ZNF565: variants seen among roughly 807,000 people sequenced by gnomAD.
ZNF565 encodes the protein zinc finger protein 565.
ZNF565 carries 27 observed loss-of-function variants against 39.4 expected under a neutral mutation model. The ratio of observed to expected loss-of-function variants is 0.69; its 90% CI spans 0.51 to 0.95. The LOEUF is 0.95. Ranked by LOEUF, ZNF565 falls within the 40% of genes least tolerant of loss-of-function variation. ZNF565 has a pLI of 0.00. For synonymous variants in ZNF565, 185 were observed against 216.6 expected (o/e 0.85, Z 1.28); for missense variants, 524 against 621.1 (o/e 0.84, Z 1.66).
intron 1 of ZNF565, chr19:36,238,772 A>T (rs1272418373): frequency 1.2e-5 from 2 of 167,046 alleles, no homozygotes; most frequent in African/African-American, 4.8e-5. Context: ...AGCACAATCC[A>T]AATCTGTTTT....
chr19:36,189,280 A>G (rs551688648), intron 4 of ZNF565, among the ~76,000 whole-genome samples: 1 of 151,646 alleles, frequency 6.6e-6, no homozygotes, highest in East Asian at 1.9e-4. Context: ...CAGAGCCAGA[A>G]CCTGTCTCAC....
chr19:36,194,870 GCTATTGC>G, intron 3 of ZNF565, 153 bp downstream of exon 3: 2 of 1,079,862 alleles, frequency 1.9e-6, no homozygotes, highest in Non-Finnish European at 2.8e-6. Flanking sequence ...AGTAGCTACA[GCTATTGC>G]TGGCCGGGCC....
intron 1 of ZNF565, among the ~76,000 whole-genome samples, chr19:36,233,502 A>T (rs139306086): frequency 6.2e-4 from 95 of 152,076 alleles, no homozygotes; most frequent in South Asian, 6.2e-4. Context: ...CATACGGAGG[A>T]CCTCTCAAGA....
At chr19:36,213,689 A>AT (rs34943234) in intron 1 of ZNF565, among the ~76,000 whole-genome samples, 4,903 of 133,284 alleles carry the variant, frequency 0.037, 326 homozygotes, top group African/African-American at 0.12. Context: ...CCAGCCATTA[A>AT]TTTTTTTTTT....
At position 36,195,079 on chromosome 19, in the gene ZNF565, G is replaced by A. The variant is rs1163752027; in HGVS notation, c.87C>T (p.Asp29=). The A allele has an allele frequency of 2.5e-6, 4 of 1,614,140 alleles. No homozygotes were observed. Among genetic ancestry groups the A allele is most frequent in the Non-Finnish European group, 3.4e-6 (4 of 1,180,030 alleles). ...EWKCLEPAQR[D]LYREVTLENF... ...TCTCCAGAGTCACCTCCCTGTACAA[G>A]TCCCTCTGAGCAGGTTCCAGGCACT... The change falls in exon 3 of 5, where the codon GAC becomes GAT. Residue 29 remains aspartate (D), a synonymous_variant. Transcript: ENST00000304116.
chr19:36,184,540 C>T (rs1975221214), intron 4 of ZNF565, among the ~76,000 whole-genome samples: 1 of 151,918 alleles, frequency 6.6e-6, no homozygotes, highest in South Asian at 2.1e-4. Flanking sequence ...GCTGGGATTA[C>T]AGGCGTGAGC....
upstream of ZNF565, chr19:36,214,692 T>A (rs1229765053): frequency 3.9e-5 from 6 of 152,728 alleles, no homozygotes; most frequent in Admixed American, 2.6e-4. Context: ...AAGAACGACG[T>A]AACGTCAGGC....
upstream of ZNF565, among the ~76,000 whole-genome samples, chr19:36,216,086 T>A (rs943016347): frequency 5.3e-5 from 8 of 152,164 alleles, no homozygotes; most frequent in Admixed American, 2.0e-4. Context: ...TACAAAAAGT[T>A]AAATAAAGTA....
chr19:36,208,010 C>A (rs978539755), intron 1 of ZNF565, among the ~76,000 whole-genome samples: 6 of 152,112 alleles, frequency 3.9e-5, no homozygotes, highest in Admixed American at 6.6e-5. Context: ...CTAACCAGTA[C>A]ACAAATTAGG....
intron 1 of ZNF565, among the ~76,000 whole-genome samples, chr19:36,226,657 A>G (rs893505401): frequency 6.6e-6 from 1 of 152,256 alleles, no homozygotes; most frequent in African/African-American, 2.4e-5. Context: ...TTGCAAGAAC[A>G]AAAACATTCT....
intron 4 of ZNF565, among the ~76,000 whole-genome samples, chr19:36,190,437 G>A (rs1975488276): frequency 6.6e-6 from 1 of 151,822 alleles, no homozygotes; most frequent in Non-Finnish European, 1.5e-5. Flanking sequence ...TTAGCCGGGC[G>A]TGGTGGTGGG....
intron 1 of ZNF565, among the ~76,000 whole-genome samples, chr19:36,227,771 T>G (rs1002312250): frequency 2.0e-5 from 3 of 152,188 alleles, no homozygotes; most frequent in Admixed American, 1.3e-4. Context: ...CAGCCTGGTC[T>G]TGAACTCCTG....
At chr19:36,232,099 A>T (rs1250045881) in intron 1 of ZNF565, among the ~76,000 whole-genome samples, 2 of 150,500 alleles carry the variant, frequency 1.3e-5, no homozygotes, top group African/African-American at 4.9e-5. Context: ...GCTACTCGGG[A>T]GGCTGAGGCA....
chr19:36,186,514 G>A (rs900375171), intron 4 of ZNF565, among the ~76,000 whole-genome samples: 2 of 152,096 alleles, frequency 1.3e-5, no homozygotes, highest in African/African-American at 4.8e-5. Context: ...CCAGCTGGGC[G>A]TGGTGGCTCA....
rs1230449476 is a variant in ZNF565, at chr19:36,236,941, G to A, written c.55+8535C>T. On this transcript the variant is annotated intron_variant, in intron 1 of 4. Coordinates refer to the ZNF565 transcript ENST00000355114. ...GTGAATGTGGAACAGCCTTTGGCCA[G>A]AAGAAGTACCTCATAAAACATCAGA... 6 of 1,613,930 alleles carry A rather than the reference G, an allele frequency of 3.7e-6. No homozygotes were observed. In the Middle Eastern group the frequency reaches 4.9e-4, roughly 133 times the overall value.
upstream of ZNF565, chr19:36,214,868 G>A (rs1976527604): frequency 6.6e-6 from 1 of 152,580 alleles, no homozygotes; most frequent in African/African-American, 2.4e-5. Flanking sequence ...GAAGTCATCT[G>A]ACGCTAAAGG....
At chr19:36,222,381 G>A (rs1379016690) in intron 1 of ZNF565, among the ~76,000 whole-genome samples, 1 of 152,176 alleles carries the variant, frequency 6.6e-6, no homozygotes, top group African/African-American at 2.4e-5. Flanking sequence ...TAACAATGCA[G>A]TAATGAATAA....
intron 1 of ZNF565, among the ~76,000 whole-genome samples, chr19:36,227,274 A>G (rs1166209211): frequency 1.3e-5 from 2 of 151,254 alleles, no homozygotes; most frequent in Non-Finnish European, 2.9e-5. Context: ...CTGTAATCCC[A>G]GCTACTCGGG....
rs146738582 is a variant in ZNF565 at position 36,183,528 on chromosome 19, G to A, written c.438C>T (p.Pro146=). 2.4e-5 allele frequency: 39 copies of A among 1,614,182 alleles called. No homozygotes were observed. In the Admixed American group the frequency reaches 3.8e-4, roughly 16 times the overall value. Residue 146 remains proline, a synonymous_variant, in exon 5 of 5, where the codon CCC becomes CCT. Transcript: ENST00000304116. ...TGTGAGACGTGTGATGCTGGAACAC[G>A]GGCATATGTCCATAGGTGACGTTCA... The part of the protein sequence containing the change: ...KQVNVTYGHM[P]VFQHHTSHTV...
Sources: allele counts gnomAD v4.1 joint callset (sites outside exome capture counted in the v4.1 genomes callset), GRCh38; gene constraint gnomAD v4.1.1; transcripts MANE v1.5; gene names NCBI Gene and HGNC (gene_info 2026-07-23, HGNC 2026-07-21).